LHFPL3: variants seen among roughly 807,000 people sequenced by gnomAD.
LHFPL3 encodes the protein LHFPL tetraspan subfamily member 3 protein.
Under a neutral mutation model 19.3 loss-of-function variants are expected in LHFPL3, and 5 were observed. That is an observed-to-expected ratio of 0.26 (90% CI 0.14 to 0.54). LHFPL3 has a LOEUF of 0.54. LHFPL3 is among the 20% of genes least tolerant of loss of function. The pLI, the probability that LHFPL3 is intolerant of heterozygous loss-of-function variation, is 0.94. For synonymous variants in LHFPL3, 133 were observed against 126.2 expected (o/e 1.05, Z -0.36); for missense variants, 249 against 307.4 (o/e 0.81, Z 1.42).
chr7:104,405,569 C>T (rs1483963555), intron 1 of LHFPL3, among the ~76,000 whole-genome samples: 1 of 152,164 alleles, frequency 6.6e-6, no homozygotes, highest in East Asian at 1.9e-4. Flanking sequence ...ACGATTATTC[C>T]CATCTTATAA....
At chr7:104,616,053 C>A (rs1791330346) in intron 1 of LHFPL3, among the ~76,000 whole-genome samples, 1 of 152,106 alleles carries the variant, frequency 6.6e-6, no homozygotes. Context: ...GTGAAAATGG[C>A]CATACTGCCC....
At chr7:104,466,436 T>C (rs1221029660) in intron 1 of LHFPL3, among the ~76,000 whole-genome samples, 1 of 152,252 alleles carries the variant, frequency 6.6e-6, no homozygotes, top group Non-Finnish European at 1.5e-5. Flanking sequence ...AAGAGAAATA[T>C]GTCAACTGTG....
intron 2 of LHFPL3, among the ~76,000 whole-genome samples, chr7:104,899,565 G>A (rs185398958): frequency 1.2e-4 from 18 of 152,264 alleles, no homozygotes; most frequent in Non-Finnish European, 1.6e-4. Context: ...GGAAGGAGAG[G>A]AAGCTTAAAG....
At chr7:104,603,074 CTTTCTTTCTTTCTTTCTT>C (rs1562947434) in intron 1 of LHFPL3, among the ~76,000 whole-genome samples, 19 of 58,498 alleles carry the variant, frequency 3.2e-4, no homozygotes, top group African/African-American at 1.1e-3. Context: ...CTTTTTCTTT[CTTTCTTTCTTTCTTTCTT>C]TCTTTCTTTC....
At chr7:104,491,706 A>G (rs1210060991) in intron 1 of LHFPL3, among the ~76,000 whole-genome samples, 1 of 152,196 alleles carries the variant, frequency 6.6e-6, no homozygotes, top group Non-Finnish European at 1.5e-5. Context: ...GCATAAAGCA[A>G]TGTGCACAGA....
chr7:104,356,729 C>G (rs1790283796), intron 1 of LHFPL3, among the ~76,000 whole-genome samples: 1 of 152,286 alleles, frequency 6.6e-6, no homozygotes, highest in South Asian at 2.1e-4. Flanking sequence ...ATCCCAAAGA[C>G]AAGAGATGTA....
intron 1 of LHFPL3, among the ~76,000 whole-genome samples, chr7:104,437,448 A>G (rs1792133588): frequency 6.6e-6 from 1 of 152,154 alleles, no homozygotes; most frequent in African/African-American, 2.4e-5. Flanking sequence ...ATTCAATTCA[A>G]TTCTGACACT....
At chr7:104,649,339 G>A (rs551359450) in intron 1 of LHFPL3, among the ~76,000 whole-genome samples, 15 of 152,316 alleles carry the variant, frequency 9.8e-5, no homozygotes, top group African/African-American at 3.1e-4. Context: ...GGAATCATGC[G>A]GTCCCACCAG....
At chr7:104,406,323 C>T (rs1424698119) in intron 1 of LHFPL3, among the ~76,000 whole-genome samples, 2 of 152,164 alleles carry the variant, frequency 1.3e-5, no homozygotes, top group Non-Finnish European at 2.9e-5. Flanking sequence ...AGCATTTTAC[C>T]TGTGGAATGT....
At chr7:104,570,452 C>A (rs1446505744) in intron 1 of LHFPL3, among the ~76,000 whole-genome samples, 1 of 152,184 alleles carries the variant, frequency 6.6e-6, no homozygotes, top group African/African-American at 2.4e-5. Flanking sequence ...CATAGATAGA[C>A]CTGAATTCAA....
At chr7:104,897,588 A>G (rs1226826088) in intron 2 of LHFPL3, among the ~76,000 whole-genome samples, 1 of 152,214 alleles carries the variant, frequency 6.6e-6, no homozygotes, top group Non-Finnish European at 1.5e-5. Context: ...GAATGCACTT[A>G]AGGTTTTAAA....
intron 1 of LHFPL3, among the ~76,000 whole-genome samples, chr7:104,657,250 AC>A (rs1217454710): frequency 6.6e-6 from 1 of 152,244 alleles, no homozygotes; most frequent in Admixed American, 6.5e-5. Context: ...AGTTTGTACA[AC>A]CTGTCTTTGA....
At chr7:104,425,542 T>TA (rs773281814) in intron 1 of LHFPL3, among the ~76,000 whole-genome samples, 2 of 152,126 alleles carry the variant, frequency 1.3e-5, no homozygotes, top group Non-Finnish European at 2.9e-5. Flanking sequence ...ATTTTATATA[T>TA]ATGTATATAC....
At chr7:104,864,480 G>T (rs578069734) in intron 2 of LHFPL3, among the ~76,000 whole-genome samples, 57 of 152,324 alleles carry the variant, frequency 3.7e-4, no homozygotes, top group African/African-American at 1.3e-3. Flanking sequence ...TCCCGCACCT[G>T]GCTTGGAGAG....
intron 1 of LHFPL3, among the ~76,000 whole-genome samples, chr7:104,678,873 C>T (rs1292481669): frequency 6.6e-6 from 1 of 152,112 alleles, no homozygotes; most frequent in Non-Finnish European, 1.5e-5. Flanking sequence ...ATTTTGTTCA[C>T]ATTCATCTAA....
chr7:104,731,680 T>C (rs1033942228), intron 1 of LHFPL3, among the ~76,000 whole-genome samples: 3 of 151,728 alleles, frequency 2.0e-5, no homozygotes, highest in African/African-American at 7.3e-5. Context: ...CAGGGACAAT[T>C]TGACTTCCTT....
chr7:104,667,275 A>G (rs754627822), intron 1 of LHFPL3, among the ~76,000 whole-genome samples: 1 of 145,884 alleles, frequency 6.9e-6, no homozygotes, highest in Non-Finnish European at 1.5e-5. Flanking sequence ...GGGGGGGGGA[A>G]TCTTTAATTG....
intron 2 of LHFPL3, among the ~76,000 whole-genome samples, chr7:104,828,242 T>A (rs1790864134): frequency 6.6e-6 from 1 of 151,930 alleles, no homozygotes; most frequent in Non-Finnish European, 1.5e-5. Context: ...AAAGACATAG[T>A]CAACTTTCCT....
chr7:104,840,193 A>T (rs1037867121), intron 2 of LHFPL3, among the ~76,000 whole-genome samples: 3 of 151,598 alleles, frequency 2.0e-5, no homozygotes, highest in Non-Finnish European at 4.4e-5. Flanking sequence ...AACTTCTTTG[A>T]CTCTAACACT....
Sources: allele counts gnomAD v4.1 joint callset (sites outside exome capture counted in the v4.1 genomes callset), GRCh38; gene constraint gnomAD v4.1.1; transcripts MANE v1.5; gene names NCBI Gene and HGNC (gene_info 2026-07-23, HGNC 2026-07-21).